The following HERC6 variants were observed in gnomAD, a reference collection of about 807,000 sequenced individuals.
HERC6 encodes the protein probable E3 ubiquitin-protein ligase HERC6.
Under a neutral mutation model 114.5 loss-of-function variants are expected in HERC6, and 101 were observed. The ratio of observed to expected loss-of-function variants is 0.88; its 90% confidence interval spans 0.75 to 1.04. HERC6 has a LOEUF of 1.04. HERC6 is among the 50% of genes least tolerant of loss of function. The pLI is 0.00. For missense variants in HERC6, 1,133 were observed against 1,230.9 expected (o/e 0.92, Z 1.19); for synonymous variants, 408 against 436.2 (o/e 0.94, Z 0.81).
chr4:88,420,172 C>T (rs571286098), intron 13 of HERC6, among the ~76,000 whole-genome samples: 12 of 152,130 alleles, frequency 7.9e-5, no homozygotes, highest in South Asian at 4.1e-4. Context: ...CTTTCCCTGG[C>T]GCTTTGTAGT....
chr4:88,421,191 A>G (rs1737009855), intron 13 of HERC6, among the ~76,000 whole-genome samples: 1 of 152,140 alleles, frequency 6.6e-6, no homozygotes. Context: ...CCCTTCCTCA[A>G]TTGATGGATA....
Position 88,385,556 on chromosome 4 carries a change from C to T in HERC6, c.417C>T (p.His139=). ...KIIQVSCGHY[H]SLALSKDSQV... is the part of the protein sequence containing the mutation. ...TACAAGTTTCCTGTGGACACTACCA[C>T]TCCCTGGCATTATCAAAAGGTAAGA... Residue 139 remains histidine, a synonymous_variant, in exon 3 of 23, where the codon CAC becomes CAT. Coordinates refer to ENST00000264346, the MANE Select transcript of HERC6 (RefSeq NM_017912.4). 2.7e-6 allele frequency: 4 copies of T among 1,501,950 alleles called. No individual in the cohort carries two copies. Among genetic ancestry groups the T allele is most frequent in the Non-Finnish European group, 3.6e-6 (4 of 1,120,380 alleles). 93.0% of individuals were successfully genotyped at this position (1,501,950 alleles called of 1,614,324 possible). A position where few individuals can be genotyped will look rare whatever the true frequency, so the allele number is the denominator to read the frequency against.
chr4:88,394,873 A>T (rs1353433726), intron 5 of HERC6, among the ~76,000 whole-genome samples: 1 of 152,182 alleles, frequency 6.6e-6, no homozygotes, highest in Non-Finnish European at 1.5e-5. Context: ...TGACAATGTG[A>T]TTCTACAGAT....
At chr4:88,385,109 T>G (rs1271679102) in intron 2 of HERC6, among the ~76,000 whole-genome samples, 3 of 152,210 alleles carry the variant, frequency 2.0e-5, no homozygotes, top group African/African-American at 7.2e-5. Flanking sequence ...AATGATTTCT[T>G]CATTAAATTA....
chr4:88,408,264 C>T (rs1735905258), intron 10 of HERC6, among the ~76,000 whole-genome samples: 1 of 152,148 alleles, frequency 6.6e-6, no homozygotes, highest in South Asian at 2.1e-4. Flanking sequence ...TCAGATTCAG[C>T]ACGTAAAATT....
At chr4:88,385,236 T>C (rs1164673768) in intron 2 of HERC6, among the ~76,000 whole-genome samples, 1 of 152,206 alleles carries the variant, frequency 6.6e-6, no homozygotes, top group Non-Finnish European at 1.5e-5. Context: ...AAAATTAGTA[T>C]ATTAGATATT....
intron 1 of HERC6, among the ~76,000 whole-genome samples, chr4:88,380,735 A>AATAT (rs1734273445): frequency 6.7e-6 from 1 of 150,370 alleles, no homozygotes; most frequent in Admixed American, 6.7e-5. Context: ...AATAATAATA[A>AATAT]ATATATATAT....
At chr4:88,389,184 C>G (rs1283295795) in intron 3 of HERC6, among the ~76,000 whole-genome samples, 1 of 151,840 alleles carries the variant, frequency 6.6e-6, no homozygotes, top group African/African-American at 2.4e-5. Context: ...GAAGTGTACT[C>G]CAGGAATAGC....
chr4:88,390,206 G>GTCAAAC (rs1361850010), intron 3 of HERC6, among the ~76,000 whole-genome samples: 1 of 123,236 alleles, frequency 8.1e-6, no homozygotes, highest in Non-Finnish European at 1.7e-5. Flanking sequence ...AAAAAAGAAA[G>GTCAAAC]TCAAACTCAA....
intron 13 of HERC6, among the ~76,000 whole-genome samples, chr4:88,421,529 C>T (rs1020943614): frequency 6.6e-6 from 1 of 151,614 alleles, no homozygotes; most frequent in Admixed American, 6.6e-5. Flanking sequence ...CTCACTGCCA[C>T]CTCCACCTCC....
At chr4:88,394,061 G>A (rs559446444) in intron 5 of HERC6, among the ~76,000 whole-genome samples, 1 of 152,278 alleles carries the variant, frequency 6.6e-6, no homozygotes, top group African/African-American at 2.4e-5. Flanking sequence ...TATCTAGACA[G>A]AGCCATTCAG....
chr4:88,409,394 T>C (rs1204198846), intron 11 of HERC6, among the ~76,000 whole-genome samples: 2 of 152,192 alleles, frequency 1.3e-5, no homozygotes, highest in Admixed American at 6.5e-5. Flanking sequence ...TGTCATACTT[T>C]TGCAAAGGTG....
At chr4:88,405,723 C>A in intron 10 of HERC6, 110 bp downstream of exon 10, 1 of 527,222 alleles carries the variant, frequency 1.9e-6, no homozygotes, top group Non-Finnish European at 3.2e-6. Context: ...CCACAAAGTC[C>A]AACACAGAGA....
chr4:88,380,500 C>T (rs771908748), intron 1 of HERC6, among the ~76,000 whole-genome samples: 4 of 135,692 alleles, frequency 2.9e-5, no homozygotes, highest in Non-Finnish European at 6.1e-5. Context: ...GGGCGGAGCA[C>T]GAGGTCAGGA....
chr4:88,387,788 G>C (rs532859904), intron 3 of HERC6, among the ~76,000 whole-genome samples: 16 of 152,208 alleles, frequency 1.1e-4, no homozygotes, highest in Admixed American at 2.0e-4. Context: ...TTAGCATATA[G>C]CAGAGGCACC....
intron 2 of HERC6, among the ~76,000 whole-genome samples, chr4:88,384,573 G>A (rs904934845): frequency 6.6e-6 from 1 of 152,124 alleles, no homozygotes; most frequent in Admixed American, 6.5e-5. Flanking sequence ...ATCACCTCTT[G>A]TTACCTCTTC....
At chr4:88,379,728 T>C (rs1226685494) in intron 1 of HERC6, among the ~76,000 whole-genome samples, 11 of 24,640 alleles carry the variant, frequency 4.5e-4, no homozygotes, top group African/African-American at 2.8e-3. Context: ...ATATATATAA[T>C]ATATAAATAT....
chr4:88,398,253 C>A, intron 8 of HERC6, 44 bp downstream of exon 8: 3 of 1,251,800 alleles, frequency 2.4e-6, no homozygotes, highest in South Asian at 1.5e-5. Flanking sequence ...TATTTTTTCT[C>A]AAGATTTCAG....
intron 8 of HERC6, among the ~76,000 whole-genome samples, chr4:88,402,382 C>CT (rs1230005921): frequency 3.3e-5 from 5 of 152,120 alleles, no homozygotes; most frequent in Non-Finnish European, 7.4e-5. Flanking sequence ...GGAGTGGCTG[C>CT]TACTGGCATC....
Sources: gnomAD v4.1 joint callset for allele counts (sites outside exome capture counted in the v4.1 genomes callset) on GRCh38, gnomAD v4.1.1 for gene constraint, MANE v1.5 for transcripts, NCBI Gene and HGNC (gene_info 2026-07-23, HGNC 2026-07-21) for gene names.